The following RBFOX1 variants were observed in gnomAD, a reference collection of about 807,000 sequenced individuals.
RBFOX1 encodes the protein RNA binding protein fox-1 homolog 1.
A neutral mutation model predicts 57.7 loss-of-function variants in RBFOX1; 8 were observed. The observed-to-expected ratio is 0.14, with a 90% CI of 0.08 to 0.25. The LOEUF (loss-of-function observed/expected upper bound fraction) is 0.25, where lower values mean the gene tolerates loss of function less well. RBFOX1 is among the 10% of genes least tolerant of loss of function. RBFOX1 has a pLI of 1.00. For missense variants in RBFOX1, 611 were observed against 548.5 expected, an observed-to-expected ratio of 1.11 and a Z score of -1.14; for synonymous variants, 326 against 222.4, an observed-to-expected ratio of 1.47 and a Z score of -4.15.
At chr16:6,387,137 T>C (rs574274252) in intron 2 of RBFOX1, among the ~76,000 whole-genome samples, 2 of 152,316 alleles carry the variant, frequency 1.3e-5, no homozygotes, top group South Asian at 2.1e-4. Flanking sequence ...CCATGCCTTT[T>C]AGGGTTGGTG....
chr16:6,809,752 A>T (rs2087936302), intron 3 of RBFOX1, among the ~76,000 whole-genome samples: 1 of 152,046 alleles, frequency 6.6e-6, no homozygotes, highest in African/African-American at 2.4e-5. Context: ...TATTTATGAG[A>T]TGGGGCAATC....
chr16:6,168,747 T>G (rs1052348694), intron 1 of RBFOX1, among the ~76,000 whole-genome samples: 1 of 152,112 alleles, frequency 6.6e-6, no homozygotes, highest in South Asian at 2.1e-4. Context: ...GAAGGAGTTG[T>G]GTTTAACTCT....
chr16:5,527,546 A>G (rs2044294323), intron 2 of RBFOX1, among the ~76,000 whole-genome samples: 1 of 152,222 alleles, frequency 6.6e-6, no homozygotes, highest in South Asian at 2.1e-4. Flanking sequence ...TGTTTGAGCC[A>G]CTGAATATGT....
chr16:6,844,660 C>G (rs934548403), intron 3 of RBFOX1, among the ~76,000 whole-genome samples: 1 of 152,048 alleles, frequency 6.6e-6, no homozygotes, highest in South Asian at 2.1e-4. Flanking sequence ...TGTGCACATA[C>G]CTTTATAAAA....
chr16:6,645,191 A>T (rs1263181702), intron 2 of RBFOX1, among the ~76,000 whole-genome samples: 1 of 152,142 alleles, frequency 6.6e-6, no homozygotes, highest in Non-Finnish European at 1.5e-5. Context: ...TTGTTACTGG[A>T]TTTAGAACCC....
At chr16:6,127,121 G>C (rs2096595469) in intron 1 of RBFOX1, among the ~76,000 whole-genome samples, 2 of 152,202 alleles carry the variant, frequency 1.3e-5, no homozygotes, top group South Asian at 2.1e-4. Context: ...CCTCAGGTTA[G>C]GAACAAATGT....
At chr16:7,041,271 T>C (rs189404445) in intron 3 of RBFOX1, among the ~76,000 whole-genome samples, 1 of 152,066 alleles carries the variant, frequency 6.6e-6, no homozygotes, top group East Asian at 1.9e-4. Context: ...GTGGCACCCA[T>C]TTGTTTACAC....
intron 4 of RBFOX1, among the ~76,000 whole-genome samples, chr16:7,250,410 C>G (rs1017275249): frequency 6.6e-6 from 1 of 152,196 alleles, no homozygotes; most frequent in Non-Finnish European, 1.5e-5. Flanking sequence ...GCCATTTCTT[C>G]ATTTGTGTCT....
chr16:6,148,891 C>A (rs377562232), intron 1 of RBFOX1, among the ~76,000 whole-genome samples: 2 of 152,098 alleles, frequency 1.3e-5, no homozygotes, highest in Non-Finnish European at 2.9e-5. Flanking sequence ...TTTCCACCCC[C>A]CTCCCTGCCA....
chr16:7,578,503 G>A (rs1048106558), intron 5 of RBFOX1, among the ~76,000 whole-genome samples: 1 of 152,160 alleles, frequency 6.6e-6, no homozygotes, highest in Non-Finnish European at 1.5e-5. Context: ...GGGCTGATGA[G>A]AAACTTGCTA....
intron 7 of RBFOX1, among the ~76,000 whole-genome samples, chr16:7,592,979 CTT>C (rs1203680995): frequency 1.6e-4 from 22 of 137,522 alleles, no homozygotes; most frequent in Admixed American, 2.9e-4. Flanking sequence ...TCACACCTGG[CTT>C]TTTTTTTTTT....
intron 3 of RBFOX1, among the ~76,000 whole-genome samples, chr16:5,785,750 C>T (rs2054478029): frequency 6.6e-6 from 1 of 152,118 alleles, no homozygotes; most frequent in African/African-American, 2.4e-5. Context: ...TGGTCTTGAA[C>T]TCCCGACCTC....
At chr16:6,478,427 A>ATT (rs1457956625) in intron 2 of RBFOX1, among the ~76,000 whole-genome samples, 9 of 12,698 alleles carry the variant, frequency 7.1e-4, no homozygotes, top group Non-Finnish European at 8.2e-4. Context: ...ATATATATAT[A>ATT]TATTTTTTTT....
chr16:6,958,522 CAG>C, intron 3 of RBFOX1, among the ~76,000 whole-genome samples: 1 of 152,228 alleles, frequency 6.6e-6, no homozygotes, highest in South Asian at 2.1e-4. Flanking sequence ...TATTCAATAA[CAG>C]AGGAAACACA....
chr16:6,630,400 G>T (rs187017113), intron 2 of RBFOX1, among the ~76,000 whole-genome samples: 1 of 152,256 alleles, frequency 6.6e-6, no homozygotes, highest in East Asian at 1.9e-4. Context: ...ATACTCAAAA[G>T]AAAGTGAAGT....
chr16:5,827,097 C>A (rs2056085574), intron 3 of RBFOX1, among the ~76,000 whole-genome samples: 1 of 152,106 alleles, frequency 6.6e-6, no homozygotes, highest in Non-Finnish European at 1.5e-5. Context: ...ACATGAGACC[C>A]TCCTTTAAAG....
intron 4 of RBFOX1, among the ~76,000 whole-genome samples, chr16:7,403,507 A>G (rs1469754005): frequency 7.0e-6 from 1 of 143,820 alleles, no homozygotes; most frequent in Non-Finnish European, 1.5e-5. Flanking sequence ...TGTCTGGTTT[A>G]TTTTCTCTAG....
At chr16:7,227,944 G>C (rs907994332) in intron 4 of RBFOX1, among the ~76,000 whole-genome samples, 1 of 152,136 alleles carries the variant, frequency 6.6e-6, no homozygotes, top group South Asian at 2.1e-4. Context: ...ACAATTCTTT[G>C]CGGTGAGGAG....
chr16:6,086,055 T>C (rs1413065056), intron 1 of RBFOX1, among the ~76,000 whole-genome samples: 1 of 152,128 alleles, frequency 6.6e-6, no homozygotes, highest in African/African-American at 2.4e-5. Flanking sequence ...CTACTACTTA[T>C]GAGTGAGAAC....
Sources: allele counts gnomAD v4.1 joint callset (sites outside exome capture counted in the v4.1 genomes callset), GRCh38; gene constraint gnomAD v4.1.1; transcripts MANE v1.5; gene names NCBI Gene and HGNC (gene_info 2026-07-23, HGNC 2026-07-21).